DPY19L1: variants seen among roughly 807,000 people sequenced by gnomAD.
DPY19L1 encodes the protein dpy-19 like C-mannosyltransferase 1.
In DPY19L1, 35 loss-of-function variants were observed where a neutral mutation model predicts 96.9. The ratio of observed to expected loss-of-function variants is 0.36; its 90% CI spans 0.28 to 0.48. The LOEUF (loss-of-function observed/expected upper bound fraction) is 0.48, where lower values mean the gene tolerates loss of function less well. DPY19L1 is among the 20% of genes least tolerant of loss of function. DPY19L1 has a pLI of 0.99. For missense variants in DPY19L1, 521 were observed against 777.9 expected, an observed-to-expected ratio of 0.67 and a Z score of 3.93; for synonymous variants, 205 against 252.6, an observed-to-expected ratio of 0.81 and a Z score of 1.79.
intron 6 of DPY19L1, among the ~76,000 whole-genome samples, chr7:35,010,108 T>C (rs1218753259): frequency 6.6e-6 from 1 of 151,802 alleles, no homozygotes; most frequent in Admixed American, 6.6e-5. Context: ...CGTGCACCTA[T>C]AGTCCCAGCT....
At chr7:34,995,576 G>A (rs1785264268) in intron 6 of DPY19L1, among the ~76,000 whole-genome samples, 1 of 152,044 alleles carries the variant, frequency 6.6e-6, no homozygotes, top group Admixed American at 6.6e-5. Context: ...TACTACAGTT[G>A]TATAGATTTA....
intron 20 of DPY19L1, 110 bp from the exon 21 acceptor site, chr7:34,938,229 C>T: frequency 7.9e-7 from 1 of 1,261,502 alleles, no homozygotes; most frequent in Non-Finnish European, 1.1e-6. Context: ...AGAATCCAGT[C>T]AGGAGGAAAT....
chr7:35,026,532 G>C lies in DPY19L1; in HGVS notation c.299-7936C>G, dbSNP rs149930329. 3.8e-3 allele frequency among the ~76,000 whole-genome samples: 577 copies of C among 152,208 alleles called. 1 individual carries two copies. The highest frequency in any genetic ancestry group is 5.4e-3 in the Non-Finnish European group (369 of 68,004). On this transcript the variant is annotated intron_variant, in intron 1 of 21. Coordinates refer to ENST00000638088, the MANE Select transcript of DPY19L1 (RefSeq NM_001366673.1). Reference sequence around the variant, plus strand: ...ATCCTGATTCAATAGATCTCACTTGGGGCTTGGACATCTACATTTTTAACA... The same window carrying C: ...ATCCTGATTCAATAGATCTCACTTGCGGCTTGGACATCTACATTTTTAACA...
intron 14 of DPY19L1, among the ~76,000 whole-genome samples, 183 bp downstream of exon 14, chr7:34,949,614 A>G (rs572611513): frequency 4.6e-5 from 7 of 152,350 alleles, no homozygotes; most frequent in African/African-American, 1.7e-4. Context: ...AAATGAGTAA[A>G]GGCCATATAT....
intron 1 of DPY19L1, among the ~76,000 whole-genome samples, chr7:35,034,041 T>C (rs928413093): frequency 6.6e-6 from 1 of 152,122 alleles, no homozygotes; most frequent in Non-Finnish European, 1.5e-5. Flanking sequence ...AACCAGGTTA[T>C]AGCAGGTGTA....
intron 14 of DPY19L1, among the ~76,000 whole-genome samples, chr7:34,947,930 A>G (rs1784185766): frequency 1.3e-5 from 2 of 152,196 alleles, no homozygotes; most frequent in Admixed American, 6.5e-5. Context: ...GTAAGTGTGA[A>G]ATGTCACTGA....
intron 18 of DPY19L1, chr7:34,940,899 G>A (rs1248343226): frequency 6.5e-6 from 1 of 153,814 alleles, no homozygotes; most frequent in African/African-American, 2.4e-5. Flanking sequence ...CTCCTTTCCT[G>A]TGCCAGCCTG....
chr7:35,027,802 C>T (rs1249704727), intron 1 of DPY19L1, among the ~76,000 whole-genome samples: 3 of 151,918 alleles, frequency 2.0e-5, no homozygotes, highest in Non-Finnish European at 2.9e-5. Context: ...TGCGCCATTG[C>T]ACTCCAGCCT....
chr7:34,984,461 C>G (rs770946290), intron 7 of DPY19L1, among the ~76,000 whole-genome samples: 1 of 152,182 alleles, frequency 6.6e-6, no homozygotes, highest in Non-Finnish European at 1.5e-5. Flanking sequence ...CAAAAATAGC[C>G]TGAAGAGTGA....
intron 5 of DPY19L1, among the ~76,000 whole-genome samples, chr7:35,011,111 C>T (rs1414554899): frequency 6.6e-6 from 1 of 152,198 alleles, no homozygotes; most frequent in Non-Finnish European, 1.5e-5. Flanking sequence ...TAATTCCAGC[C>T]TTCCCAGACA....
At position 35,017,865 on chromosome 7, in the gene DPY19L1, C is replaced by T. The variant is rs758174859; in HGVS notation, c.411+17G>A. 2 of 1,548,146 alleles carry T rather than the reference C, an allele frequency of 1.3e-6. No homozygotes were observed. The highest frequency in any genetic ancestry group is 2.8e-5 in the African/African-American group (2 of 72,506). ...AATTCCTAAAGTACTATGATGAAATCCCAAATAAAAACTAACCATTTCAGT... is the reference window on the plus strand; with the variant it reads ...AATTCCTAAAGTACTATGATGAAATTCCAAATAAAAACTAACCATTTCAGT... On this transcript the variant is annotated intron_variant, in intron 3 of 21. Coordinates refer to ENST00000638088, the MANE Select transcript of DPY19L1 (RefSeq NM_001366673.1).
chr7:34,938,739 T>C (rs1783926574), intron 20 of DPY19L1, among the ~76,000 whole-genome samples: 1 of 152,142 alleles, frequency 6.6e-6, no homozygotes, highest in Middle Eastern at 3.2e-3. Flanking sequence ...CAAGAAAAAT[T>C]AAATTTTTAA....
chr7:34,942,044 T>C (rs1328041168), intron 17 of DPY19L1, among the ~76,000 whole-genome samples, 160 bp from the exon 18 acceptor site: 1 of 152,278 alleles, frequency 6.6e-6, no homozygotes, highest in African/African-American at 2.4e-5. Flanking sequence ...ACTTTCAAAC[T>C]GTTCCATTTT....
At chr7:35,007,607 G>GTA (rs754493002) in intron 6 of DPY19L1, among the ~76,000 whole-genome samples, 1 of 87,430 alleles carries the variant, frequency 1.1e-5, no homozygotes, top group Non-Finnish European at 2.8e-5. Flanking sequence ...GTGTGTGTGT[G>GTA]TGTATATATA....
chr7:34,982,284 T>C (rs984729512), intron 7 of DPY19L1, among the ~76,000 whole-genome samples: 1 of 152,202 alleles, frequency 6.6e-6, no homozygotes, highest in African/African-American at 2.4e-5. Flanking sequence ...AACAGTATTG[T>C]GATTATGTAG....
chr7:35,037,749 G>A (rs1562835685), upstream of DPY19L1: 5 of 1,038,136 alleles, frequency 4.8e-6, no homozygotes, highest in Non-Finnish European at 3.5e-6. Context: ...GCTCCAGGCC[G>A]GCCAGCGCGC....
At chr7:35,007,141 T>C (rs1039329881) in intron 6 of DPY19L1, among the ~76,000 whole-genome samples, 2 of 152,164 alleles carry the variant, frequency 1.3e-5, no homozygotes, top group Admixed American at 6.5e-5. Context: ...TCAAAAAACA[T>C]ACAAAAATGC....
chr7:34,997,609 C>CAA (rs3048611), intron 6 of DPY19L1, among the ~76,000 whole-genome samples: 2,325 of 75,206 alleles, frequency 0.031, 210 homozygotes, highest in Non-Finnish European at 0.039. Context: ...GACTCCGTCT[C>CAA]AAAAAAAAAA....
intron 13 of DPY19L1, among the ~76,000 whole-genome samples, chr7:34,952,064 C>A (rs1649225): frequency 0.27 from 37,425 of 138,744 alleles, 5,181 homozygotes; most frequent in Non-Finnish European, 0.32. Context: ...AATTACTAAA[C>A]TTTCAAAAAA....
Sources: allele counts gnomAD v4.1 joint callset (sites outside exome capture counted in the v4.1 genomes callset), GRCh38; gene constraint gnomAD v4.1.1; transcripts MANE v1.5; gene names NCBI Gene and HGNC (gene_info 2026-07-23, HGNC 2026-07-21).